HEMK2: variants seen among roughly 807,000 people sequenced by gnomAD.
HEMK2 encodes methyltransferase HEMK2.
the HEMK2 span, among the ~76,000 whole-genome samples, chr21:28,749,977 T>G: frequency 6.6e-6 from 1 of 152,214 alleles, no homozygotes; most frequent in East Asian, 1.9e-4. Context: ...AGTCAGTTGT[T>G]TTGTCATTGC....
chr21:28,680,646 T>C, the HEMK2 span, among the ~76,000 whole-genome samples: 1 of 151,838 alleles, frequency 6.6e-6, no homozygotes, highest in African/African-American at 2.4e-5. Context: ...GATGCAAAAA[T>C]CCTCAATAAA....
the HEMK2 span, among the ~76,000 whole-genome samples, chr21:28,676,697 A>C: frequency 6.6e-6 from 1 of 152,090 alleles, no homozygotes; most frequent in Non-Finnish European, 1.5e-5. Flanking sequence ...TCAATCTGTG[A>C]GGCAGGAAGC....
At chr21:28,601,783 T>C in the HEMK2 span, among the ~76,000 whole-genome samples, 18,934 of 152,174 alleles carry the variant, frequency 0.12, 2,074 homozygotes, top group East Asian at 0.59. Context: ...CAACACAGAC[T>C]GTATTTGTTG....
the HEMK2 span, among the ~76,000 whole-genome samples, chr21:28,749,403 A>C: frequency 2.0e-5 from 3 of 152,298 alleles, no homozygotes; most frequent in East Asian, 5.8e-4. Context: ...TTTTTAGAGG[A>C]GGAGATTGAG....
At chr21:28,866,175 A>AAAAAAAAACC in the HEMK2 span, among the ~76,000 whole-genome samples, 1 of 76,234 alleles carries the variant, frequency 1.3e-5, no homozygotes, top group African/African-American at 5.1e-5. Context: ...CAAAAAAAAA[A>AAAAAAAAACC]ACACACACAC....
the HEMK2 span, among the ~76,000 whole-genome samples, chr21:28,804,085 A>G: frequency 3.8e-4 from 58 of 152,362 alleles, no homozygotes; most frequent in African/African-American, 1.3e-3. Flanking sequence ...CTCTATCAGT[A>G]TCTAAAAAAT....
the HEMK2 span, among the ~76,000 whole-genome samples, chr21:28,696,424 C>T: frequency 1.3e-5 from 2 of 152,250 alleles, no homozygotes; most frequent in African/African-American, 2.4e-5. Flanking sequence ...TCTCCTTTGA[C>T]TCCATGTCTC....
chr21:28,841,101 T>A, the HEMK2 span, among the ~76,000 whole-genome samples: 2 of 41,232 alleles, frequency 4.9e-5, no homozygotes, highest in Non-Finnish European at 7.7e-5. Context: ...ATATTATATA[T>A]TATATAATAA....
At chr21:28,870,664 G>A in the HEMK2 span, among the ~76,000 whole-genome samples, 26,144 of 152,096 alleles carry the variant, frequency 0.17, 2,339 homozygotes, top group South Asian at 0.23. Flanking sequence ...GCCTCCCAAA[G>A]TGGTGGGATT....
chr21:28,844,879 T>C, the HEMK2 span, among the ~76,000 whole-genome samples: 1 of 152,094 alleles, frequency 6.6e-6, no homozygotes, highest in Non-Finnish European at 1.5e-5. Context: ...TTGGATTGTG[T>C]TACTTTTGGC....
chr21:28,831,459 G>GAAAGAAAGA, the HEMK2 span, among the ~76,000 whole-genome samples: 8 of 31,024 alleles, frequency 2.6e-4, 1 homozygote, highest in South Asian at 1.0e-3. Context: ...AGAAAGAAAA[G>GAAAGAAAGA]AACGAAAGAA....
At chr21:28,690,361 C>T in the HEMK2 span, among the ~76,000 whole-genome samples, 1,053 of 152,258 alleles carry the variant, frequency 6.9e-3, 11 homozygotes, top group African/African-American at 0.024. Context: ...TCTGAATGAA[C>T]TTGGAAGTGA....
At chr21:28,801,687 A>T in the HEMK2 span, among the ~76,000 whole-genome samples, 1 of 152,224 alleles carries the variant, frequency 6.6e-6, no homozygotes, top group Non-Finnish European at 1.5e-5. Context: ...CAGACAGCTT[A>T]GAGAAAAAGA....
chr21:28,858,832 G>A, the HEMK2 span, among the ~76,000 whole-genome samples: 2 of 152,182 alleles, frequency 1.3e-5, no homozygotes, highest in Non-Finnish European at 2.9e-5. Context: ...CAGCCTGGGT[G>A]TCTGAGCAAC....
At chr21:28,873,063 C>T in the HEMK2 span, 9 of 152,324 alleles carry the variant, frequency 5.9e-5, no homozygotes, top group African/African-American at 2.2e-4. Flanking sequence ...TTAAACCATA[C>T]TTAACTGCCA....
chr21:28,755,724 G>A, the HEMK2 span, among the ~76,000 whole-genome samples: 1 of 152,136 alleles, frequency 6.6e-6, no homozygotes, highest in African/African-American at 2.4e-5. Flanking sequence ...AGTGCTCACT[G>A]TCTACACAGG....
At chr21:28,856,858 T>C in the HEMK2 span, among the ~76,000 whole-genome samples, 3 of 152,226 alleles carry the variant, frequency 2.0e-5, no homozygotes, top group Non-Finnish European at 4.4e-5. Flanking sequence ...CTGTGCGGAC[T>C]CCCAGCAGCT....
At chr21:28,665,205 G>A in the HEMK2 span, among the ~76,000 whole-genome samples, 1 of 151,606 alleles carries the variant, frequency 6.6e-6, no homozygotes, top group Non-Finnish European at 1.5e-5. Context: ...GGGAGGTTGA[G>A]GCTGTGGTGA....
chr21:28,810,152 G>A, the HEMK2 span, among the ~76,000 whole-genome samples: 4 of 152,012 alleles, frequency 2.6e-5, no homozygotes, highest in Non-Finnish European at 2.9e-5. Context: ...TCAGCTCTTG[G>A]GGAAACTATC....
Sources: gnomAD v4.1 joint callset for allele counts (sites outside exome capture counted in the v4.1 genomes callset) on GRCh38, gnomAD v4.1.1 for gene constraint, MANE v1.5 for transcripts, NCBI Gene and HGNC (gene_info 2026-07-23, HGNC 2026-07-21) for gene names.